SAMD12: variants seen among roughly 807,000 people sequenced by gnomAD.
SAMD12 encodes the protein sterile alpha motif domain containing 12.
SAMD12 carries 9 observed loss-of-function variants against 15.0 expected under a neutral mutation model. That is an observed-to-expected ratio of 0.60 (90% CI 0.36 to 1.05). The LOEUF (loss-of-function observed/expected upper bound fraction) is 1.05, where lower values mean the gene tolerates loss of function less well. Ranked by LOEUF, SAMD12 falls within the 50% of genes least tolerant of loss-of-function variation. The probability of loss-of-function intolerance (pLI) is 0.01; values close to 1 mark genes in which losing one functional copy is unlikely to be tolerated. For missense variants in SAMD12, 230 were observed against 234.2 expected (o/e 0.98, Z 0.12); for synonymous variants, 86 against 90.1 (o/e 0.96, Z 0.25).
intron 1 of SAMD12, among the ~76,000 whole-genome samples, chr8:118,596,999 G>C (rs1018338733): frequency 6.6e-6 from 1 of 152,206 alleles, no homozygotes; most frequent in Non-Finnish European, 1.5e-5. Context: ...AGGAATCCAC[G>C]GGGCAAAGAG....
At chr8:118,528,379 G>C (rs757349674) in intron 2 of SAMD12, among the ~76,000 whole-genome samples, 2 of 152,090 alleles carry the variant, frequency 1.3e-5, no homozygotes, top group African/African-American at 4.8e-5. Context: ...AGCTGTCTTC[G>C]TTTATAGTCT....
At chr8:118,180,843 G>A in the SAMD12 span, among the ~76,000 whole-genome samples, 5 of 151,608 alleles carry the variant, frequency 3.3e-5, no homozygotes, top group South Asian at 2.1e-4. Context: ...TTATAGGCAC[G>A]AGCCACTGCA....
At chr8:118,400,052 T>A (rs1820792544) in intron 3 of SAMD12, among the ~76,000 whole-genome samples, 4 of 152,238 alleles carry the variant, frequency 2.6e-5, no homozygotes, top group Admixed American at 2.6e-4. Flanking sequence ...CATAAAACAC[T>A]ATGAGCACTA....
chr8:118,435,444 C>T (rs1331279510), intron 3 of SAMD12, among the ~76,000 whole-genome samples: 2 of 152,100 alleles, frequency 1.3e-5, no homozygotes, highest in Non-Finnish European at 2.9e-5. Context: ...CACTGGGGGT[C>T]CTGCTATGTT....
intron 4 of SAMD12, among the ~76,000 whole-genome samples, chr8:118,241,664 G>A (rs1366616884): frequency 6.6e-6 from 1 of 152,136 alleles, no homozygotes; most frequent in African/African-American, 2.4e-5. Context: ...AATCTGGGCA[G>A]GTCACGACAT....
At chr8:118,186,558 T>TC (rs914647225), downstream of SAMD12, among the ~76,000 whole-genome samples, 2 of 148,314 alleles carry the variant, frequency 1.3e-5, no homozygotes, top group South Asian at 2.1e-4. Context: ...ACCCTCCATT[T>TC]TTTTTTTTTT....
chr8:118,508,546 T>C (rs1284590873), intron 2 of SAMD12, among the ~76,000 whole-genome samples: 2 of 152,248 alleles, frequency 1.3e-5, no homozygotes, highest in Non-Finnish European at 2.9e-5. Context: ...CCATGATTTC[T>C]CCATGTCTGA....
At chr8:118,477,568 A>C (rs1430497659) in intron 2 of SAMD12, among the ~76,000 whole-genome samples, 1 of 152,200 alleles carries the variant, frequency 6.6e-6, no homozygotes, top group Non-Finnish European at 1.5e-5. Flanking sequence ...CCGTTTTTCT[A>C]ATCATTTGAA....
At chr8:118,421,183 T>G (rs1329856434) in intron 3 of SAMD12, among the ~76,000 whole-genome samples, 1 of 152,196 alleles carries the variant, frequency 6.6e-6, no homozygotes, top group African/African-American at 2.4e-5. Flanking sequence ...TCTTAGACAT[T>G]TTATGAAAAT....
chr8:118,271,585 A>G (rs1813356676), intron 4 of SAMD12, among the ~76,000 whole-genome samples: 1 of 152,202 alleles, frequency 6.6e-6, no homozygotes, highest in South Asian at 2.1e-4. Flanking sequence ...ATCTGAGACA[A>G]GGCAAGTCCC....
chr8:118,540,110 T>A (rs1245188205), intron 2 of SAMD12, among the ~76,000 whole-genome samples: 1 of 152,188 alleles, frequency 6.6e-6, no homozygotes, highest in Non-Finnish European at 1.5e-5. Context: ...CAGAAACACA[T>A]TAATCCTCTA....
rs143579122 is a variant in SAMD12, at chr8:118,364,570, G to C, written c.433+14990C>G. On this transcript the variant is annotated intron_variant, in intron 4 of 4. Coordinates refer to the SAMD12 transcript ENST00000409003. ...GTGCTGTGGGCTCTGAATCTGCATA[G>C]AGCTGGACAGCAGACCCTCACGCTT... 5.6e-3 allele frequency among the ~76,000 whole-genome samples: 850 copies of C among 152,254 alleles called. 14 individuals are homozygous for C. The highest frequency in any genetic ancestry group is 0.018 in the African/African-American group (756 of 41,552).
chr8:118,194,121 G>C (rs1257959347), exon 5 of SAMD12: 1 of 152,124 alleles, frequency 6.6e-6, no homozygotes, highest in African/African-American at 2.4e-5. Flanking sequence ...AAGTAACAAG[G>C]GGGATCCATT....
the SAMD12 span, among the ~76,000 whole-genome samples, chr8:118,155,988 T>A: frequency 6.6e-6 from 1 of 152,352 alleles, no homozygotes; most frequent in South Asian, 2.1e-4. Context: ...GTATCATAAA[T>A]CATACCTTTT....
intron 3 of SAMD12, among the ~76,000 whole-genome samples, chr8:118,437,155 A>G (rs1244269217): frequency 6.6e-6 from 1 of 152,158 alleles, no homozygotes; most frequent in Non-Finnish European, 1.5e-5. Flanking sequence ...CTAGCATCAT[A>G]GGGCTGGTAA....
chr8:118,269,244 G>A (rs1479132587), intron 4 of SAMD12, among the ~76,000 whole-genome samples: 7 of 151,104 alleles, frequency 4.6e-5, no homozygotes, highest in African/African-American at 1.7e-4. Flanking sequence ...GTGTGTGTGT[G>A]TGTGTGTGTG....
At chr8:118,163,921 C>A in the SAMD12 span, among the ~76,000 whole-genome samples, 5 of 140,342 alleles carry the variant, frequency 3.6e-5, no homozygotes, top group African/African-American at 1.3e-4. Context: ...AACAAAAAAA[C>A]AAACCTGGGG....
Position 118,477,753 on chromosome 8 carries a change from G to A in SAMD12, c.193-37792C>T, listed in dbSNP as rs1824000135. Among the ~76,000 whole-genome samples the A allele has an allele frequency of 4.6e-5, 7 of 152,122 alleles. No individual in the cohort carries two copies. In the South Asian group the frequency reaches 1.0e-3, roughly 23 times the overall value. ...GAACTGGCCGGGCGCGGTGGCTCAC[G>A]CCTGTAATCCCAGCACTTTGGGAGC... On this transcript the variant is annotated intron_variant, in intron 2 of 3. Coordinates refer to ENST00000314727, the MANE Select transcript of SAMD12 (RefSeq NM_207506.3).
chr8:118,271,436 C>A (rs1368841561), intron 4 of SAMD12, among the ~76,000 whole-genome samples: 1 of 152,078 alleles, frequency 6.6e-6, no homozygotes, highest in African/African-American at 2.4e-5. Flanking sequence ...TGGAGACACA[C>A]CCAAACCATA....
Sources: gnomAD v4.1 joint callset for allele counts (sites outside exome capture counted in the v4.1 genomes callset) on GRCh38, gnomAD v4.1.1 for gene constraint, MANE v1.5 for transcripts, NCBI Gene and HGNC (gene_info 2026-07-23, HGNC 2026-07-21) for gene names.